The following SLC13A1 variants were observed in gnomAD, a reference collection of about 807,000 sequenced individuals.
SLC13A1 encodes Na(+)/sulfate cotransporter.
In SLC13A1, 65 loss-of-function variants were observed where a neutral mutation model predicts 70.0. The ratio of observed to expected loss-of-function variants is 0.93; its 90% CI spans 0.76 to 1.14. The LOEUF is 1.14. Among genes scored for constraint, SLC13A1 ranks in the 50% most tolerant of loss-of-function variants. The pLI, the probability that SLC13A1 is intolerant of heterozygous loss-of-function variation, is 0.00. For missense variants in SLC13A1, 726 were observed against 717.8 expected (o/e 1.01, Z -0.13); for synonymous variants, 275 against 250.5 (o/e 1.10, Z -0.92).
intron 11 of SLC13A1, among the ~76,000 whole-genome samples, chr7:123,125,167 T>A (rs1793516915): frequency 6.6e-6 from 1 of 152,184 alleles, no homozygotes; most frequent in Non-Finnish European, 1.5e-5. Context: ...ATGTAAATAC[T>A]CTTTCTCTTG....
At chr7:123,163,918 C>A (rs1192243179) in intron 6 of SLC13A1, among the ~76,000 whole-genome samples, 2 of 151,670 alleles carry the variant, frequency 1.3e-5, no homozygotes, top group Admixed American at 6.6e-5. Flanking sequence ...ATTCAATAAG[C>A]AAATATTTAC....
intron 1 of SLC13A1, among the ~76,000 whole-genome samples, chr7:123,186,191 GAAGAA>G (rs1280114465): frequency 6.6e-6 from 1 of 151,764 alleles, no homozygotes; most frequent in African/African-American, 2.4e-5. Flanking sequence ...TTGCTAAGAA[GAAGAA>G]AAGTATAAGA....
chr7:123,190,051 C>A (rs1023580559), intron 1 of SLC13A1, among the ~76,000 whole-genome samples: 2 of 152,064 alleles, frequency 1.3e-5, no homozygotes, highest in Admixed American at 1.3e-4. Flanking sequence ...CCAAATGATT[C>A]TCTCACTTAA....
chr7:123,115,434 A>G lies in SLC13A1; in HGVS notation c.*84T>C. On this transcript the variant is annotated 3_prime_UTR_variant, in exon 15 of 15. Coordinates refer to ENST00000194130, the MANE Select transcript of SLC13A1 (RefSeq NM_022444.4). ...ACCATAACTGATTTAAATGTGTGTC[A>G]TTAGTTATTTAGAGCCACATTTTAC... is the stretch of plus-strand genomic sequence containing the variant. 2.2e-6 allele frequency: 3 copies of G among 1,366,562 alleles called. No homozygotes were observed. Among genetic ancestry groups the G allele is most frequent in the Non-Finnish European group, 3.1e-6 (3 of 977,820 alleles). 84.7% of individuals were successfully genotyped at this position (1,366,562 alleles called of 1,614,324 possible).
At chr7:123,163,918 C>T (rs1192243179) in intron 6 of SLC13A1, among the ~76,000 whole-genome samples, 3 of 151,788 alleles carry the variant, frequency 2.0e-5, no homozygotes, top group Middle Eastern at 3.4e-3. Context: ...ATTCAATAAG[C>T]AAATATTTAC....
In SLC13A1 at chr7:123,118,994, A is replaced by T. The variant is rs1793273804; in HGVS notation, c.1512+87T>A. 8.8e-6 allele frequency: 11 copies of T among 1,244,712 alleles called. No homozygotes were observed. The South Asian group carries it at 1.6e-4, about 18-fold the overall frequency. The allele number at this position is 1,244,712 out of a possible 1,614,324, so 77.1% of individuals were successfully genotyped here. ...AGGAGGCCCATTTAGACCAAAAGAG[A>T]TTCCATACCACAACATGAAAACCAG... is the stretch of plus-strand genomic sequence containing the variant. On this transcript the variant is annotated intron_variant, in intron 13 of 14. Coordinates refer to ENST00000194130, the MANE Select transcript of SLC13A1 (RefSeq NM_022444.4).
intron 1 of SLC13A1, among the ~76,000 whole-genome samples, chr7:123,191,916 T>C (rs1796009916): frequency 6.6e-6 from 1 of 152,196 alleles, no homozygotes; most frequent in Admixed American, 6.5e-5. Context: ...AGTAACATAT[T>C]TGAGTGAGTA....
intron 6 of SLC13A1, among the ~76,000 whole-genome samples, chr7:123,159,720 A>G (rs929966812): frequency 8.5e-5 from 13 of 152,194 alleles, no homozygotes; most frequent in Admixed American, 6.5e-5. Context: ...GAACGCAGGA[A>G]GAAAAGATGG....
At chr7:123,133,149 C>A (rs1793824121) in intron 8 of SLC13A1, among the ~76,000 whole-genome samples, 1 of 152,042 alleles carries the variant, frequency 6.6e-6, no homozygotes, top group South Asian at 2.1e-4. Context: ...TATCATCTTA[C>A]AATTGAAGAC....
intron 2 of SLC13A1, among the ~76,000 whole-genome samples, chr7:123,174,754 A>G (rs1157500096): frequency 6.6e-6 from 1 of 152,012 alleles, no homozygotes; most frequent in African/African-American, 2.4e-5. Context: ...ACCCTTCATC[A>G]TCTGGTCCCA....
chr7:123,165,379 G>A (rs1042357183), intron 6 of SLC13A1, among the ~76,000 whole-genome samples: 2 of 151,966 alleles, frequency 1.3e-5, no homozygotes, highest in South Asian at 4.1e-4. Flanking sequence ...AATCTTTATT[G>A]CCAAAAATGC....
At chr7:123,116,154 G>A (rs368262151) in intron 14 of SLC13A1, among the ~76,000 whole-genome samples, 182 of 152,100 alleles carry the variant, frequency 1.2e-3, no homozygotes, top group African/African-American at 4.0e-3. Flanking sequence ...TTTAACCTTC[G>A]ATATTTTCTT....
intron 1 of SLC13A1, among the ~76,000 whole-genome samples, chr7:123,184,828 G>T (rs1006159048): frequency 6.6e-6 from 1 of 151,914 alleles, no homozygotes; most frequent in Non-Finnish European, 1.5e-5. Flanking sequence ...TTTCCTTTGG[G>T]TATATATCCA....
intron 2 of SLC13A1, among the ~76,000 whole-genome samples, chr7:123,180,052 C>A (rs1795588418): frequency 6.6e-6 from 1 of 151,862 alleles, no homozygotes; most frequent in South Asian, 2.1e-4. Context: ...GCCAGTCTTC[C>A]AAATCAATGG....
chr7:123,151,444 T>G (rs1387931892), intron 6 of SLC13A1, among the ~76,000 whole-genome samples: 1 of 151,624 alleles, frequency 6.6e-6, no homozygotes, highest in Non-Finnish European at 1.5e-5. Flanking sequence ...AATCTGAAAA[T>G]GTTCAGGACC....
intron 7 of SLC13A1, among the ~76,000 whole-genome samples, chr7:123,138,809 T>G (rs189495901): frequency 4.0e-4 from 61 of 152,258 alleles, no homozygotes; most frequent in South Asian, 8.3e-4. Flanking sequence ...TATATTTTGG[T>G]TATTAATACT....
At chr7:123,154,113 TACTACAG>T (rs1322601039) in intron 6 of SLC13A1, among the ~76,000 whole-genome samples, 1 of 152,088 alleles carries the variant, frequency 6.6e-6, no homozygotes, top group African/African-American at 2.4e-5. Context: ...CCCAGCTGAT[TACTACAG>T]ACTTGAAAGC....
In SLC13A1 at chr7:123,115,523, G is replaced by A; in HGVS notation, c.1783C>T (p.Pro595Ser). 1 of 1,610,168 alleles carries A rather than the reference G, an allele frequency of 6.2e-7. No individual in the cohort carries two copies. Among genetic ancestry groups the A allele is most frequent in the Non-Finnish European group, 8.5e-7 (1 of 1,177,270 alleles). Reference sequence around the variant, plus strand: ...AGTCAGAAATTTTGTGCTTATTATGGCATGGTCTCATTACTCATAGCAGGA... The same window carrying A: ...AGTCAGAAATTTTGTGCTTATTATGACATGGTCTCATTACTCATAGCAGGA... Reference protein sequence around the residue: ...WAPAMSNETMP With the variant: ...WAPAMSNETMS The change falls in exon 15 of 15, where the codon CCA (proline) becomes TCA (serine). Residue 595 changes from proline (P) to serine (S), a missense_variant. By Grantham distance (74) the Pro-to-Ser change is moderately conservative. Coordinates refer to ENST00000194130, the MANE Select transcript of SLC13A1 (RefSeq NM_022444.4).
At position 123,119,311 on chromosome 7, in the gene SLC13A1, TA is replaced by T. The variant is rs374139456; in HGVS notation, c.1351-70del. 2.8e-4 allele frequency: 285 copies of T among 1,032,456 alleles called. No homozygotes were observed. In the African/African-American group the frequency reaches 3.6e-3, roughly 13 times the overall value. The allele number at this position is 1,032,456 out of a possible 1,614,324, so 64.0% of individuals were successfully genotyped here. A position where few individuals can be genotyped will look rare whatever the true frequency, so the allele number is the denominator to read the frequency against. Reference sequence around the variant, plus strand: ...TTGTAATCAGACACAATAAAATCCATAAAAAAACATTATTTCCTTTGAAAAC... The same window carrying T: ...TTGTAATCAGACACAATAAAATCCATAAAAAACATTATTTCCTTTGAAAAC... On this transcript the variant is annotated intron_variant, in intron 12 of 14. Transcript: ENST00000194130.
Sources: gnomAD v4.1 joint callset for allele counts (sites outside exome capture counted in the v4.1 genomes callset) on GRCh38, gnomAD v4.1.1 for gene constraint, MANE v1.5 for transcripts, NCBI Gene and HGNC (gene_info 2026-07-23, HGNC 2026-07-21) for gene names.